The following SLC26A11 variants were observed in gnomAD, a reference collection of about 807,000 sequenced individuals.
SLC26A11 encodes solute carrier family 26 member 11.
SLC26A11 carries 58 observed loss-of-function variants against 62.2 expected under a neutral mutation model. That is an observed-to-expected ratio of 0.93 (90% CI 0.76 to 1.16). The LOEUF (loss-of-function observed/expected upper bound fraction) is 1.16. Ranked by LOEUF, SLC26A11 falls within the 50% of genes most tolerant of loss-of-function variation. The pLI, the probability that SLC26A11 is intolerant of heterozygous loss-of-function variation, is 0.00. For synonymous variants in SLC26A11, 411 were observed against 368.9 expected (o/e 1.11, Z -1.31); for missense variants, 790 against 794.3 (o/e 0.99, Z 0.06).
chr17:80,222,539 T>G lies in SLC26A11; in HGVS notation c.235-116T>G, dbSNP rs1299261951. ...ACCCACAGGGCAGGGCGGTGCACCT[T>G]TAACCTGGGCCTGGACACAGCTGAC... On this transcript the variant is annotated intron_variant, in intron 3 of 17. Coordinates refer to ENST00000361193, the MANE Select transcript of SLC26A11 (RefSeq NM_001166347.2). This position sits in a 1 kb window ranked among gnomAD's most constrained non-coding sequence, Gnocchi z 4.7. 14 of 1,132,556 alleles carry G rather than the reference T, an allele frequency of 1.2e-5. No homozygotes were observed. The highest frequency in any genetic ancestry group is 1.8e-5 in the Non-Finnish European group (14 of 781,610). The allele number at this position is 1,132,556 out of a possible 1,614,324, so 70.2% of individuals were successfully genotyped here.
intron 10 of SLC26A11, 31 bp from the exon 11 acceptor site, chr17:80,245,164 TC>T: frequency 6.2e-7 from 1 of 1,609,790 alleles, no homozygotes; most frequent in African/African-American, 1.3e-5. Context: ...GTGCCTTCCC[TC>T]CACGATCAGC....
At position 80,246,203 on chromosome 17, in the gene SLC26A11, G is replaced by T; in HGVS notation, c.1147G>T (p.Val383Leu). The T allele has an allele frequency of 1.9e-6, 3 of 1,611,546 alleles. No individual in the cohort carries two copies. The highest frequency in any genetic ancestry group is 2.5e-6 in the Non-Finnish European group (3 of 1,179,378). The change falls in exon 12 of 18, where the codon GTG becomes TTG. Residue 383 changes from valine to leucine, a missense_variant. Val to Leu is a conservative substitution (Grantham distance 32). Transcript: ENST00000361193. This position sits in a 1 kb window ranked among gnomAD's most constrained non-coding sequence, Gnocchi z 4.4. ...GGTGTGCACCCCGGCGGGGGGCCTG[G>T]TGACGGGTAAGGCCCCCCATCTTCC... Reference protein sequence around the residue: ...SGVCTPAGGLVTGVLVLLSLD... With the variant: ...SGVCTPAGGLLTGVLVLLSLD...
rs3924207 is a variant in SLC26A11 at position 80,236,977 on chromosome 17, C to T, written c.786C>T (p.Phe262=). ...TCGCAGCCCTGGTTGCGTACTCCTTCGAGGTGACTGGATACCAGCCTTTCA... is the reference window on the plus strand; with the variant it reads ...TCGCAGCCCTGGTTGCGTACTCCTTTGAGGTGACTGGATACCAGCCTTTCA... The part of the protein sequence containing the change: ...VSFAALVAYS[F]EVTGYQPFIL... The change falls in exon 8 of 18, where the codon TTC becomes TTT. Residue 262 remains phenylalanine (F), a synonymous_variant. Coordinates refer to ENST00000361193, the MANE Select transcript of SLC26A11 (RefSeq NM_001166347.2). The T allele has an allele frequency of 0.033, 53,734 of 1,614,052 alleles. 1,023 individuals carry two copies. Among genetic ancestry groups the T allele is most frequent in the Middle Eastern group, 0.066 (398 of 6,060 alleles).
chr17:80,251,388 C>A lies in SLC26A11; in HGVS notation c.1716C>A (p.Thr572=), dbSNP rs1165335396. 3.1e-6 allele frequency: 5 copies of A among 1,613,970 alleles called. No homozygotes were observed. Among genetic ancestry groups the A allele is most frequent in the Non-Finnish European group, 3.4e-6 (4 of 1,179,984 alleles). The change falls in exon 17 of 18, where the codon ACC becomes ACA. Residue 572 remains threonine, a synonymous_variant. Transcript: ENST00000361193. ...TGAAGGGGTTCCAGTACTTCTCTAC[C>A]CTGGAAGAAGCAGGTGGGCACAGTC... ...ADLKGFQYFS[T]LEEAEKHLRQ... is the part of the protein sequence containing the mutation.
At position 80,228,012 on chromosome 17, in the gene SLC26A11, C is replaced by T. The variant is rs763729881; in HGVS notation, c.736+52C>T. On this transcript the variant is annotated intron_variant, in intron 7 of 17. Transcript: ENST00000361193. The surrounding 1 kb of genome is among the most constrained non-coding windows in gnomAD (Gnocchi z 4.1). ...TGCAACCTTGGCTGCAGGTTGGGGTCACTTGGGGAGTCCTAGTCCCACCCT... is the reference window on the plus strand; with the variant it reads ...TGCAACCTTGGCTGCAGGTTGGGGTTACTTGGGGAGTCCTAGTCCCACCCT... The T allele has an allele frequency of 2.6e-6, 4 of 1,552,022 alleles. No homozygotes were observed. Among genetic ancestry groups the T allele is most frequent in the South Asian group, 2.3e-5 (2 of 87,570 alleles).
At chr17:80,226,057 A>T (rs2042401117) in intron 6 of SLC26A11, 141 bp downstream of exon 6, 1 of 681,134 alleles carries the variant, frequency 1.5e-6, no homozygotes, top group South Asian at 1.8e-5. Context: ...AGCACCTGCA[A>T]GCTGGCAAGA....
Position 80,246,605 on chromosome 17 carries a change from C to A in SLC26A11, c.1250C>A (p.Pro417Gln). 1.2e-6 allele frequency: 2 copies of A among 1,613,934 alleles called. No individual in the cohort carries two copies. The highest frequency in any genetic ancestry group is 1.7e-6 in the Non-Finnish European group (2 of 1,179,996). ...GCCGTCATCATCATGGCCGTGGCCCCGCTGTTCGACACCAAGATCTTCAGG... is the reference window on the plus strand; with the variant it reads ...GCCGTCATCATCATGGCCGTGGCCCAGCTGTTCGACACCAAGATCTTCAGG... ...LAAVIIMAVA[P>Q]LFDTKIFRTL... Residue 417 changes from proline to glutamine, a missense_variant, in exon 13 of 18, where the codon CCG becomes CAG. By Grantham distance (76) the Pro-to-Gln change is moderately conservative. Transcript: ENST00000361193. The surrounding 1 kb of genome is among the most constrained non-coding windows in gnomAD (Gnocchi z 4.4).
At chr17:80,225,623 G>C (rs1034052791) in intron 5 of SLC26A11, 1 of 556,920 alleles carries the variant, frequency 1.8e-6, no homozygotes, top group Non-Finnish European at 3.2e-6. Flanking sequence ...GTGAAGTACT[G>C]TCTCCCACGA....
chr17:80,242,304 C>T (rs2042885783), intron 10 of SLC26A11, among the ~76,000 whole-genome samples: 1 of 152,160 alleles, frequency 6.6e-6, no homozygotes, highest in Non-Finnish European at 1.5e-5. Context: ...AGGACTCATT[C>T]CCAGACCTCC....
rs1308009626 is a variant in SLC26A11 at position 80,229,926 on chromosome 17, G to C, written c.736+1966G>C. Among the ~76,000 whole-genome samples the C allele has an allele frequency of 2.0e-5, 3 of 152,236 alleles. No homozygotes were observed. The South Asian group carries it at 6.2e-4, about 32-fold the overall frequency. ...GCTTAGAAGTCAAAGTTTGGAAGCCGGGCATGGTGGCTCACGCCTGTAATC... is the reference window on the plus strand; with the variant it reads ...GCTTAGAAGTCAAAGTTTGGAAGCCCGGCATGGTGGCTCACGCCTGTAATC... On this transcript the variant is annotated intron_variant, in intron 7 of 17. Coordinates refer to ENST00000361193, the MANE Select transcript of SLC26A11 (RefSeq NM_001166347.2).
intron 5 of SLC26A11, among the ~76,000 whole-genome samples, chr17:80,224,717 T>C (rs570390844): frequency 6.6e-6 from 1 of 152,278 alleles, no homozygotes; most frequent in South Asian, 2.1e-4. Flanking sequence ...GGAAACATCA[T>C]TTTTGGTGTC....
Position 80,248,522 on chromosome 17 carries a change from C to T in SLC26A11, c.1423-53C>T. ...GCTTCCCGCTTGGGACAGGCCAAGC[C>T]TGGTGGAGGCCACCCGGTCAGACCC... On this transcript the variant is annotated intron_variant, in intron 14 of 17. Coordinates refer to ENST00000361193, the MANE Select transcript of SLC26A11 (RefSeq NM_001166347.2). The T allele has an allele frequency of 5.3e-6, 8 of 1,520,262 alleles. No individual in the cohort carries two copies. In the South Asian group the frequency reaches 9.7e-5, roughly 18 times the overall value. 94.2% of individuals were successfully genotyped at this position (1,520,262 alleles called of 1,614,324 possible). A position where few individuals can be genotyped will look rare whatever the true frequency, so the allele number is the denominator to read the frequency against.
rs762522348 is a variant in SLC26A11, at chr17:80,252,580, C to T, written c.1730-45C>T. 6.3e-7 allele frequency: 1 copy of T among 1,588,590 alleles called. No individual in the cohort carries two copies. The highest frequency in any genetic ancestry group is 8.6e-7 in the Non-Finnish European group (1 of 1,159,534). ...CTTCCTGTGAACTGACCCATCCTCA[C>T]TTCTGAGCTTTTAGTGCTTGAAACA... On this transcript the variant is annotated intron_variant, in intron 17 of 17. Coordinates refer to ENST00000361193, the MANE Select transcript of SLC26A11 (RefSeq NM_001166347.2). This position sits in a 1 kb window ranked among gnomAD's most constrained non-coding sequence, Gnocchi z 5.2.
chr17:80,233,931 T>C (rs1369769124), intron 7 of SLC26A11, among the ~76,000 whole-genome samples: 2 of 152,168 alleles, frequency 1.3e-5, no homozygotes, highest in African/African-American at 4.8e-5. Flanking sequence ...CCTTCATTTT[T>C]CAAAGATAGT....
At position 80,246,195 on chromosome 17, in the gene SLC26A11, G is replaced by A; in HGVS notation, c.1139G>A (p.Gly380Glu). Residue 380 changes from glycine to glutamate, a missense_variant, in exon 12 of 18, where the codon GGG becomes GAG. By Grantham distance (98) the Gly-to-Glu change is moderately conservative. Transcript: ENST00000361193. The surrounding 1 kb of genome is among the most constrained non-coding windows in gnomAD (Gnocchi z 4.4). ...CAGTCGGGGGTGTGCACCCCGGCGG[G>A]GGGCCTGGTGACGGGTAAGGCCCCC... ...NAQSGVCTPA[G>E]GLVTGVLVLL... 2 of 1,612,166 alleles carry A rather than the reference G, an allele frequency of 1.2e-6. No homozygotes were observed. The highest frequency in any genetic ancestry group is 1.7e-6 in the Non-Finnish European group (2 of 1,179,632).
chr17:80,221,526 C>T (rs774354327), intron 2 of SLC26A11, 22 bp from the exon 3 acceptor site: 6 of 1,493,288 alleles, frequency 4.0e-6, no homozygotes, highest in South Asian at 2.5e-5. Flanking sequence ...GACTGCTGGT[C>T]TGTGTCACCT....
In SLC26A11 at chr17:80,245,270, C is replaced by T. The variant is rs1431955247; in HGVS notation, c.1097+14C>T. The T allele has an allele frequency of 6.2e-7, 1 of 1,613,604 alleles. No individual in the cohort carries two copies. The highest frequency in any genetic ancestry group is 1.7e-5 in the Admixed American group (1 of 59,992). Reference sequence around the variant, plus strand: ...CAGCTTTGGACGGTGAGTGACCTGTCCGCCTCTTCTGTTTGCCCACGTTGG... The same window carrying T: ...CAGCTTTGGACGGTGAGTGACCTGTTCGCCTCTTCTGTTTGCCCACGTTGG... On this transcript the variant is annotated intron_variant, in intron 11 of 17. Coordinates refer to ENST00000361193, the MANE Select transcript of SLC26A11 (RefSeq NM_001166347.2).
chr17:80,238,128 C>T (rs1246320618), intron 9 of SLC26A11, among the ~76,000 whole-genome samples: 4 of 152,178 alleles, frequency 2.6e-5, no homozygotes, highest in East Asian at 1.9e-4. Flanking sequence ...GAGGCTGAGA[C>T]GGGAGGATCA....
Position 80,239,964 on chromosome 17 carries a change from C to T in SLC26A11, c.986-1807C>T, listed in dbSNP as rs141018256. On this transcript the variant is annotated intron_variant, in intron 9 of 17. Coordinates refer to ENST00000361193, the MANE Select transcript of SLC26A11 (RefSeq NM_001166347.2). ...GGGATGTGCTGTCCGTGGCTGCTTT[C>T]GTGGCACCACAGCAGAGTTGCGTAG... 8.3e-3 allele frequency among the ~76,000 whole-genome samples: 1,269 copies of T among 152,364 alleles called. 8 individuals are homozygous for T. Among genetic ancestry groups the T allele is most frequent in the Non-Finnish European group, 0.013 (898 of 68,036 alleles).
Sources: gnomAD v4.1 joint callset for allele counts (sites outside exome capture counted in the v4.1 genomes callset) on GRCh38, gnomAD v4.1.1 for gene constraint, Gnocchi (gnomAD v3.1) non-coding constraint, MANE v1.5 for transcripts, NCBI Gene and HGNC (gene_info 2026-07-23, HGNC 2026-07-21) for gene names.